Variants in MPPE1 observed in about 807,000 individuals in gnomAD.
The protein encoded by MPPE1 is metallophosphoesterase 1.
A neutral mutation model predicts 43.8 loss-of-function variants in MPPE1; 28 were observed. The observed-to-expected ratio is 0.64, with a 90% CI of 0.47 to 0.88. The LOEUF is 0.88. Ranked by LOEUF, MPPE1 falls within the 40% of genes least tolerant of loss-of-function variation. MPPE1 has a pLI of 0.00. For missense variants in MPPE1, 428 were observed against 492.2 expected, an observed-to-expected ratio of 0.87 and a Z score of 1.23; for synonymous variants, 159 against 188.5, an observed-to-expected ratio of 0.84 and a Z score of 1.28.
At chr18:11,898,605 G>T (rs2038832169) in intron 2 of MPPE1, among the ~76,000 whole-genome samples, 1 of 152,094 alleles carries the variant, frequency 6.6e-6, no homozygotes, top group Non-Finnish European at 1.5e-5. Flanking sequence ...CACTATTGTA[G>T]ATCCTAAGAT....
At position 11,882,801 on chromosome 18, in the gene MPPE1, G is replaced by T. The variant is rs1430132465; in HGVS notation, c.*1644C>A. On this transcript the variant is annotated 3_prime_UTR_variant, in exon 11 of 11. Coordinates refer to ENST00000588072, the MANE Select transcript of MPPE1 (RefSeq NM_023075.6). ...AAACATTACAAAACCTTAATCTGAA[G>T]TATAAAGTCAAAAGATACGGCTCTT... The T allele has an allele frequency of 1.3e-5, 2 of 151,764 alleles. No homozygotes were observed. The highest frequency in any genetic ancestry group is 2.9e-5 in the Non-Finnish European group (2 of 67,980). The allele number at this position is 151,764 out of a possible 1,614,324, so 9.4% of individuals were successfully genotyped here. A position where few individuals can be genotyped will look rare whatever the true frequency, so the allele number is the denominator to read the frequency against.
chr18:11,905,314 C>CAA (rs1488192111), intron 2 of MPPE1: 1 of 147,826 alleles, frequency 6.8e-6, no homozygotes, highest in Non-Finnish European at 1.5e-5. Flanking sequence ...CAAAACAAAA[C>CAA]AAAACAAAAC....
At chr18:11,891,261 G>GT (rs2037967007) in intron 4 of MPPE1, 1 of 152,198 alleles carries the variant, frequency 6.6e-6, no homozygotes, top group Non-Finnish European at 1.5e-5. Context: ...ATCACTTGAA[G>GT]TCAGGAGTTT....
In MPPE1 at chr18:11,886,608, T is replaced by C. The variant is rs2037294067; in HGVS notation, c.758A>G (p.Tyr253Cys). The C allele has an allele frequency of 6.2e-7, 1 of 1,614,170 alleles. No individual in the cohort carries two copies. Among genetic ancestry groups the C allele is most frequent in the Non-Finnish European group, 8.5e-7 (1 of 1,180,030 alleles). The change falls in exon 9 of 11, where the codon TAT becomes TGT. Residue 253 changes from tyrosine (Y) to cysteine (C), a missense_variant. Coordinates refer to ENST00000588072, the MANE Select transcript of MPPE1 (RefSeq NM_023075.6). The surrounding 1 kb of genome is among the most constrained non-coding windows in gnomAD (Gnocchi z 4.1). ...AGAACAGTTAGCATCACTTCTCCGA[T>C]ACAGAGGATAATGCTGTCCGGGGTG... ...APVLLQHYPL[Y>C]RRSDANCSGE... is the part of the protein sequence containing the mutation.
chr18:11,891,980 TTTTTTGTAGAAA>T (rs1417026079), intron 4 of MPPE1, among the ~76,000 whole-genome samples: 1 of 127,258 alleles, frequency 7.9e-6, no homozygotes, highest in Non-Finnish European at 1.5e-5. Flanking sequence ...GATTTTTGTA[TTTTTTGTAGAAA>T]CAGCACTAAG....
At chr18:11,899,921 C>T (rs891646571) in intron 2 of MPPE1, among the ~76,000 whole-genome samples, 5 of 152,116 alleles carry the variant, frequency 3.3e-5, no homozygotes, top group African/African-American at 1.2e-4. Context: ...AAGAATAACC[C>T]CCATTCCTGG....
At chr18:11,896,042 A>G (rs554238395) in intron 3 of MPPE1, among the ~76,000 whole-genome samples, 41 of 151,530 alleles carry the variant, frequency 2.7e-4, no homozygotes, top group Admixed American at 8.5e-4. Flanking sequence ...TCCTTTGGTT[A>G]AAACTCTTAG....
rs1222914005 is a variant in MPPE1, at chr18:11,900,790, C to T, written c.-92-3434G>A. On this transcript the variant is annotated intron_variant, in intron 2 of 10. Coordinates refer to ENST00000588072, the MANE Select transcript of MPPE1 (RefSeq NM_023075.6). ...GGCGTGGTGGCAGACGCCTGTAGTC[C>T]CAGCTACTCGGGAGGATGAGGCAGG... Among the ~76,000 whole-genome samples the T allele has an allele frequency of 5.9e-5, 9 of 151,738 alleles. No individual in the cohort carries two copies. In the South Asian group the frequency reaches 1.9e-3, roughly 32 times the overall value.
chr18:11,887,630 A>AT (rs1322924078), intron 6 of MPPE1, among the ~76,000 whole-genome samples: 1 of 152,174 alleles, frequency 6.6e-6, no homozygotes, highest in Non-Finnish European at 1.5e-5. Context: ...CAGCAGCCAC[A>AT]TTTTTTTAAA....
Position 11,885,763 on chromosome 18 carries a change from G to A in MPPE1, c.921C>T (p.Ala307=). The part of the protein sequence containing the change: ...RLVLSGHTHS[A]CEVHHGGRVP... ...CTCGGCCCCCGTGGTGCACCTCGCA[G>A]GCGCTGTGCGTGTGGCCACTGAGAA... Residue 307 remains alanine (A), a synonymous_variant, in exon 10 of 11, where the codon GCC becomes GCT. Coordinates refer to ENST00000588072, the MANE Select transcript of MPPE1 (RefSeq NM_023075.6). 6.2e-7 allele frequency: 1 copy of A among 1,613,834 alleles called. No individual in the cohort carries two copies. The highest frequency in any genetic ancestry group is 8.5e-7 in the Non-Finnish European group (1 of 1,179,834).
intron 10 of MPPE1, 109 bp from the exon 11 acceptor site, chr18:11,884,736 G>T: frequency 7.4e-7 from 1 of 1,347,366 alleles, no homozygotes; most frequent in Non-Finnish European, 1.0e-6. Context: ...CCTCAGGTGA[G>T]GCAGGGAACG....
chr18:11,884,427 T>A lies in MPPE1; in HGVS notation c.*18A>T. 1 of 1,609,292 alleles carries A rather than the reference T, an allele frequency of 6.2e-7. No homozygotes were observed. Among genetic ancestry groups the A allele is most frequent in the Non-Finnish European group, 8.5e-7 (1 of 1,176,770 alleles). On this transcript the variant is annotated 3_prime_UTR_variant, in exon 11 of 11. Transcript: ENST00000588072. ...GTTCCATTTCTTGGGCTTTGATATT[T>A]ATAATGGCGCCTGCTCTTCATCTTG...
At position 11,886,356 on chromosome 18, in the gene MPPE1, T is replaced by TCCA; in HGVS notation, c.867+140_867+142dup. 6 of 1,160,938 alleles carry TCCA rather than the reference T, an allele frequency of 5.2e-6. No individual in the cohort carries two copies. The highest frequency in any genetic ancestry group is 7.5e-6 in the Non-Finnish European group (6 of 799,846). 71.9% of individuals were successfully genotyped at this position (1,160,938 alleles called of 1,614,324 possible). Reference sequence around the variant, plus strand: ...TCTGAGATACTGTGAAAGCCAGGCCTCCACCCCTGTCCCCCCAGGTGATAA... The same window carrying TCCA: ...TCTGAGATACTGTGAAAGCCAGGCCTCCACCACCCCTGTCCCCCCAGGTGATAA... On this transcript the variant is annotated intron_variant, in intron 9 of 10. Coordinates refer to ENST00000588072, the MANE Select transcript of MPPE1 (RefSeq NM_023075.6). The surrounding 1 kb of genome is among the most constrained non-coding windows in gnomAD (Gnocchi z 4.1).
intron 2 of MPPE1, among the ~76,000 whole-genome samples, chr18:11,904,307 T>TTTTATTTA (rs1019731979): frequency 1.3e-5 from 2 of 150,514 alleles, no homozygotes; most frequent in Non-Finnish European, 2.9e-5. Flanking sequence ...ACATAATCTT[T>TTTTATTTA]TTTATTTATT....
intron 3 of MPPE1, among the ~76,000 whole-genome samples, chr18:11,896,095 C>CTTTTTTTTTTTTTTTTTT (rs1178920790): frequency 3.7e-5 from 3 of 80,418 alleles, no homozygotes; most frequent in Non-Finnish European, 4.7e-5. Flanking sequence ...ATTCTTTATT[C>CTTTTTTTTTTTTTTTTTT]TTTTTTTTTT....
chr18:11,884,185 G>A lies in MPPE1; in HGVS notation c.*260C>T, dbSNP rs1381719454. Reference sequence around the variant, plus strand: ...ACGACATTAATAGCATTTACATACTGTACAGATGCAACCTTTGATGATACA... The same window carrying A: ...ACGACATTAATAGCATTTACATACTATACAGATGCAACCTTTGATGATACA... On this transcript the variant is annotated 3_prime_UTR_variant, in exon 11 of 11. Transcript: ENST00000588072. 4.5e-6 allele frequency: 2 copies of A among 442,392 alleles called. No individual in the cohort carries two copies. Among genetic ancestry groups the A allele is most frequent in the African/African-American group, 3.9e-5 (2 of 50,808 alleles). 27.4% of individuals were successfully genotyped at this position (442,392 alleles called of 1,614,324 possible).
Position 11,886,172 on chromosome 18 carries a change from A to C in MPPE1, c.867+327T>G. 1 of 265,414 alleles carries C rather than the reference A, an allele frequency of 3.8e-6. No homozygotes were observed. The highest frequency in any genetic ancestry group is 7.2e-6 in the Non-Finnish European group (1 of 139,656). 16.4% of individuals were successfully genotyped at this position (265,414 alleles called of 1,614,324 possible). On this transcript the variant is annotated intron_variant, in intron 9 of 10. Transcript: ENST00000588072. This position sits in a 1 kb window ranked among gnomAD's most constrained non-coding sequence, Gnocchi z 4.1. ...AGAAAATGCATTTTAATTTTAATTA[A>C]GTCCCTAAAAAATTGACTTTTCAGT... is the stretch of plus-strand genomic sequence containing the variant.
At chr18:11,906,686 T>C (rs973892937) in intron 1 of MPPE1, among the ~76,000 whole-genome samples, 2 of 151,694 alleles carry the variant, frequency 1.3e-5, no homozygotes, top group African/African-American at 2.4e-5. Context: ...AGAAACCCCG[T>C]CTCTACTAAA....
intron 2 of MPPE1, chr18:11,905,638 C>T (rs1477788919): frequency 6.6e-6 from 1 of 152,294 alleles, no homozygotes; most frequent in Non-Finnish European, 1.5e-5. Flanking sequence ...CCCCAGCCTC[C>T]TCATTTTCTG....
Sources: allele counts gnomAD v4.1 joint callset (sites outside exome capture counted in the v4.1 genomes callset), GRCh38; gene constraint gnomAD v4.1.1; non-coding constraint Gnocchi (gnomAD v3.1); transcripts MANE v1.5; gene names NCBI Gene and HGNC (gene_info 2026-07-23, HGNC 2026-07-21).